The following GRIN2B variants were observed in gnomAD, a reference collection of about 807,000 sequenced individuals.
The protein encoded by GRIN2B is glutamate receptor ionotropic, NMDA 2B.
A neutral mutation model predicts 114.5 loss-of-function variants in GRIN2B; 5 were observed. That is an observed-to-expected ratio of 0.04 (90% CI 0.02 to 0.09). The LOEUF is 0.09. Ranked by LOEUF, GRIN2B falls within the 10% of genes least tolerant of loss-of-function variation. The pLI is 1.00. For missense variants in GRIN2B, 1,108 were observed against 1,943.5 expected (o/e 0.57, Z 8.08); for synonymous variants, 787 against 745.1 (o/e 1.06, Z -0.92).
At chr12:13,774,259 G>C (rs1336592610) in intron 3 of GRIN2B, among the ~76,000 whole-genome samples, 1 of 152,190 alleles carries the variant, frequency 6.6e-6, no homozygotes, top group Non-Finnish European at 1.5e-5. Flanking sequence ...AAAAGATAAA[G>C]ATAGAACCAC....
Position 13,839,704 on chromosome 12 carries a change from T to A in GRIN2B, c.411+26094A>T, listed in dbSNP as rs1591761214. ...GGTCTTGTGACTGCACGCCTCAGAT[T>A]GATGCCACCATGGTCCACAGTGCTC... On this transcript the variant is annotated intron_variant, in intron 3 of 13. Transcript: ENST00000609686. Among the ~76,000 whole-genome samples, 4 of 152,146 alleles carry A rather than the reference T, an allele frequency of 2.6e-5. No individual in the cohort carries two copies. In the South Asian group the frequency reaches 8.3e-4, roughly 32 times the overall value.
chr12:13,540,019 A>G lies in GRIN2B; in HGVS notation c.*22764T>C, dbSNP rs918532354. 1 of 152,232 alleles carries G rather than the reference A, an allele frequency of 6.6e-6. No individual in the cohort carries two copies. The highest frequency in any genetic ancestry group is 2.4e-5 in the African/African-American group (1 of 41,466). The allele number at this position is 152,232 out of a possible 1,614,324, so 9.4% of individuals were successfully genotyped here. On this transcript the variant is annotated 3_prime_UTR_variant, in exon 14 of 14. Transcript: ENST00000609686. The stretch of plus-strand genomic sequence containing the variant: ...ATATAATTATGGGATTTGTTTCAGA[A>G]TAATACATGAGGGGGAGATGAGTGT...
At position 13,564,478 on chromosome 12, in the gene GRIN2B, G is replaced by C. The variant is rs149157688; in HGVS notation, c.2760C>G (p.Ser920Arg). The change falls in exon 14 of 14, where the codon AGC (serine) becomes AGG (arginine). Residue 920 changes from serine (S) to arginine (R), a missense_variant. Physicochemically the swap from Ser to Arg is moderately radical, Grantham distance 110. This residue lies in a region of GRIN2B where 140 missense variants were observed against 187.5 expected (regional missense o/e 0.75). Transcript: ENST00000609686. This position sits in a 1 kb window ranked among gnomAD's most constrained non-coding sequence, Gnocchi z 4.8. ...NLSGVNGSPQSALDFIRRESS... is the reference protein window; with the variant it reads ...NLSGVNGSPQRALDFIRRESS... ...ACTCCCGTCGGATGAAGTCCAGGGC[G>C]CTCTGCGGTGAGCCATTCACACCAG... is the stretch of plus-strand genomic sequence containing the variant. The C allele has an allele frequency of 6.2e-7, 1 of 1,614,094 alleles. No individual in the cohort carries two copies. Among genetic ancestry groups the C allele is most frequent in the African/African-American group, 1.3e-5 (1 of 74,952 alleles).
chr12:13,940,641 C>G (rs1867227332), intron 2 of GRIN2B, among the ~76,000 whole-genome samples: 1 of 152,016 alleles, frequency 6.6e-6, no homozygotes, highest in South Asian at 2.1e-4. Context: ...GAAGCAAGCT[C>G]CCAGGAGAAG....
intron 3 of GRIN2B, among the ~76,000 whole-genome samples, chr12:13,793,314 G>C (rs117906138): frequency 0.025 from 3,780 of 152,168 alleles, 58 homozygotes; most frequent in Non-Finnish European, 0.033. Context: ...CCATCTACTC[G>C]GGAGGCTGAA....
intron 2 of GRIN2B, among the ~76,000 whole-genome samples, chr12:13,950,929 A>G (rs1404638299): frequency 1.3e-5 from 2 of 152,206 alleles, no homozygotes; most frequent in Admixed American, 1.3e-4. Context: ...GAAAAAAGCT[A>G]AGTTTGACCA....
chr12:13,821,422 C>T (rs1008450566), intron 3 of GRIN2B, among the ~76,000 whole-genome samples: 1 of 152,184 alleles, frequency 6.6e-6, no homozygotes, highest in African/African-American at 2.4e-5. Context: ...CTTTAAGAGG[C>T]AGTTGCTAAA....
At chr12:13,571,755 T>C (rs1173389129) in intron 11 of GRIN2B, 49 bp downstream of exon 11, 1 of 1,598,798 alleles carries the variant, frequency 6.3e-7, no homozygotes, top group Non-Finnish European at 8.6e-7. Flanking sequence ...GTATGCTTAA[T>C]AAATGTGAGA....
At chr12:13,804,047 C>G (rs137884117) in intron 3 of GRIN2B, among the ~76,000 whole-genome samples, 44 of 152,222 alleles carry the variant, frequency 2.9e-4, no homozygotes, top group African/African-American at 9.9e-4. Context: ...CTGAACTTGC[C>G]AAATTATATC....
At chr12:13,633,638 C>T (rs1413571763) in intron 5 of GRIN2B, among the ~76,000 whole-genome samples, 2 of 152,174 alleles carry the variant, frequency 1.3e-5, no homozygotes, top group Non-Finnish European at 2.9e-5. Context: ...AGAGCTCATG[C>T]CAAACTAATA....
At chr12:13,608,134 G>A (rs1949311595) in intron 10 of GRIN2B, among the ~76,000 whole-genome samples, 1 of 152,302 alleles carries the variant, frequency 6.6e-6, no homozygotes, top group East Asian at 1.9e-4. Flanking sequence ...AAGACACAAT[G>A]CTTCTTCCTG....
chr12:13,727,666 AGAGTTTGT>A (rs1863015978), intron 4 of GRIN2B, among the ~76,000 whole-genome samples: 1 of 152,196 alleles, frequency 6.6e-6, no homozygotes, highest in Non-Finnish European at 1.5e-5. Flanking sequence ...TTATTTCTGC[AGAGTTTGT>A]GAAATGGTGA....
At chr12:13,980,754 T>A (rs1863118128) in intron 1 of GRIN2B, among the ~76,000 whole-genome samples, 1 of 152,108 alleles carries the variant, frequency 6.6e-6, no homozygotes, top group Non-Finnish European at 1.5e-5. Context: ...CCCAGCCCCA[T>A]CTGCATTGCT....
chr12:13,820,756 G>A lies in GRIN2B; in HGVS notation c.411+45042C>T, dbSNP rs74398767. ...ATTTTCTCTTTTAACTATCTGAAAG[G>A]AAATCCTTCCTCCTTTTCCCCACTG... On this transcript the variant is annotated intron_variant, in intron 3 of 13. Transcript: ENST00000609686. Among the ~76,000 whole-genome samples the A allele has an allele frequency of 4.3e-3, 654 of 152,198 alleles. 3 individuals carry two copies. Among genetic ancestry groups the A allele is most frequent in the African/African-American group, 0.015 (628 of 41,544 alleles).
intron 4 of GRIN2B, among the ~76,000 whole-genome samples, chr12:13,690,239 C>T (rs1449343417): frequency 6.6e-6 from 1 of 151,440 alleles, no homozygotes; most frequent in East Asian, 1.9e-4. Context: ...TCCTCCCATG[C>T]TACTTCCTCA....
chr12:13,539,176 G>T lies in GRIN2B; in HGVS notation c.*23607C>A, dbSNP rs1948247521. On this transcript the variant is annotated 3_prime_UTR_variant, in exon 14 of 14. Transcript: ENST00000609686. The stretch of plus-strand genomic sequence containing the variant: ...CTCTCTGAGACAGTAACTTCAAAGA[G>T]ATAACAATACATTATCCTGGGAGAT... 6.6e-6 allele frequency: 1 copy of T among 152,210 alleles called. No homozygotes were observed. Among genetic ancestry groups the T allele is most frequent in the South Asian group, 2.1e-4 (1 of 4,832 alleles). 9.4% of individuals were successfully genotyped at this position (152,210 alleles called of 1,614,324 possible). A position where few individuals can be genotyped will look rare whatever the true frequency, so the allele number is the denominator to read the frequency against.
intron 5 of GRIN2B, among the ~76,000 whole-genome samples, chr12:13,663,917 T>C (rs1270029380): frequency 1.3e-5 from 2 of 152,206 alleles, no homozygotes; most frequent in African/African-American, 4.8e-5. Flanking sequence ...ATGTCAGATA[T>C]TGTGCTAAGA....
intron 5 of GRIN2B, among the ~76,000 whole-genome samples, chr12:13,640,574 A>G (rs1424007662): frequency 6.6e-6 from 1 of 152,106 alleles, no homozygotes; most frequent in East Asian, 1.9e-4. Context: ...ATGCTCCTTT[A>G]TTCCGAATCT....
At chr12:13,843,573 TAGA>T (rs953082911) in intron 3 of GRIN2B, among the ~76,000 whole-genome samples, 5 of 152,288 alleles carry the variant, frequency 3.3e-5, no homozygotes, top group Admixed American at 3.3e-4. Flanking sequence ...GGTAAGCTAC[TAGA>T]AGATTAGCAC....
Sources: allele counts gnomAD v4.1 joint callset (sites outside exome capture counted in the v4.1 genomes callset), GRCh38; gene constraint gnomAD v4.1.1; regional missense constraint gnomAD v4.1.1; non-coding constraint Gnocchi (gnomAD v3.1); transcripts MANE v1.5; gene names NCBI Gene and HGNC (gene_info 2026-07-23, HGNC 2026-07-21).